Variants in LMTK2 observed in about 807,000 individuals in gnomAD.
LMTK2 encodes serine/threonine-protein kinase LMTK2.
LMTK2 carries 37 observed loss-of-function variants against 127.5 expected under a neutral mutation model. The ratio of observed to expected loss-of-function variants is 0.29; its 90% confidence interval spans 0.22 to 0.38. The LOEUF (loss-of-function observed/expected upper bound fraction) is 0.38. Ranked by LOEUF, LMTK2 falls within the 10% of genes least tolerant of loss-of-function variation. The pLI, the probability that LMTK2 is intolerant of heterozygous loss-of-function variation, is 1.00. For synonymous variants in LMTK2, 819 were observed against 810.1 expected (o/e 1.01, Z -0.19); for missense variants, 1,694 against 1,920.3 (o/e 0.88, Z 2.20).
chr7:98,112,215 A>G (rs913319187), intron 1 of LMTK2, among the ~76,000 whole-genome samples: 6 of 152,068 alleles, frequency 3.9e-5, no homozygotes, highest in African/African-American at 1.2e-4. Flanking sequence ...CTTTTTTTTA[A>G]GAGACAGGAT....
At chr7:98,181,528 G>A (rs776044955) in intron 7 of LMTK2, among the ~76,000 whole-genome samples, 2 of 152,182 alleles carry the variant, frequency 1.3e-5, no homozygotes, top group Non-Finnish European at 2.9e-5. Flanking sequence ...CACCTTTTCT[G>A]ATTTTAAAAC....
At position 98,193,835 on chromosome 7, in the gene LMTK2, T is replaced by C; in HGVS notation, c.3370T>C (p.Ser1124Pro). 1.2e-6 allele frequency: 2 copies of C among 1,613,684 alleles called. No individual in the cohort carries two copies. The highest frequency in any genetic ancestry group is 1.7e-6 in the Non-Finnish European group (2 of 1,179,934). Reference sequence around the variant, plus strand: ...AAGGTCTGAGGAGGTCCCGGGAACCTCCCCATCCGCCTTGGTGTTGGTACA... The same window carrying C: ...AAGGTCTGAGGAGGTCCCGGGAACCCCCCCATCCGCCTTGGTGTTGGTACA... ...EKRSEEVPGT[S>P]PSALVLVQEQ... Residue 1124 changes from serine to proline, a missense_variant, in exon 11 of 14, where the codon TCC becomes CCC. Ser to Pro is a moderately conservative substitution (Grantham distance 74, BLOSUM62 -1). Around this residue, in one of 8 missense-constraint regions of LMTK2, gnomAD observed 554 missense variants for 567.7 expected, o/e 0.98. Transcript: ENST00000297293. This position sits in a 1 kb window ranked among gnomAD's most constrained non-coding sequence, Gnocchi z 4.1.
chr7:98,137,297 A>AT lies in LMTK2; in HGVS notation c.104-15dup. 1 of 1,595,336 alleles carries AT rather than the reference A, an allele frequency of 6.3e-7. No homozygotes were observed. Among genetic ancestry groups the AT allele is most frequent in the Non-Finnish European group, 8.5e-7 (1 of 1,174,264 alleles). ...TTGGAATGTACATGTTTTTAATATT[A>AT]TTTATCTCTCTTTCCAGGGGAGGCG... On this transcript the variant is annotated splice_polypyrimidine_tract_variant and intron_variant, in intron 1 of 13. Coordinates refer to ENST00000297293, the MANE Select transcript of LMTK2 (RefSeq NM_014916.4).
intron 6 of LMTK2, among the ~76,000 whole-genome samples, chr7:98,168,461 CG>C (rs1371583631): frequency 6.6e-6 from 1 of 152,202 alleles, no homozygotes; most frequent in African/African-American, 2.4e-5. Flanking sequence ...TTAGCAGAAG[CG>C]GGGGTGTTGC....
chr7:98,188,305 T>TA (rs2116454270), intron 9 of LMTK2, among the ~76,000 whole-genome samples: 1 of 152,306 alleles, frequency 6.6e-6, no homozygotes, highest in Admixed American at 6.5e-5. Flanking sequence ...GTCTGATACT[T>TA]CTGTGTTTTT....
chr7:98,183,900 G>C (rs1328460460), intron 7 of LMTK2, among the ~76,000 whole-genome samples: 1 of 152,196 alleles, frequency 6.6e-6, no homozygotes, highest in African/African-American at 2.4e-5. Context: ...GAATCCACCT[G>C]TTAGCAGTGG....
intron 1 of LMTK2, among the ~76,000 whole-genome samples, chr7:98,112,181 T>C (rs912818089): frequency 6.6e-6 from 1 of 151,996 alleles, no homozygotes; most frequent in African/African-American, 2.4e-5. Context: ...GTGACTGACG[T>C]TTTTCTTTCT....
At chr7:98,133,370 G>A (rs1382208343) in intron 1 of LMTK2, among the ~76,000 whole-genome samples, 1 of 151,998 alleles carries the variant, frequency 6.6e-6, no homozygotes, top group East Asian at 1.9e-4. Context: ...TTTGACCACG[G>A]CGGTATAGGG....
In LMTK2 at chr7:98,107,054, C is replaced by T; in HGVS notation, c.-124C>T. On this transcript the variant is annotated 5_prime_UTR_variant, in exon 1 of 14. Transcript: ENST00000297293. Reference sequence around the variant, plus strand: ...CGAGGTTTGGCAGAAGCAACGTGTGCTCGGGAGCAACCGGCGCGGGTGCCA... The same window carrying T: ...CGAGGTTTGGCAGAAGCAACGTGTGTTCGGGAGCAACCGGCGCGGGTGCCA... The T allele has an allele frequency of 2.9e-6, 2 of 685,344 alleles. No individual in the cohort carries two copies. Among genetic ancestry groups the T allele is most frequent in the Non-Finnish European group, 4.4e-6 (2 of 456,178 alleles). 42.5% of individuals were successfully genotyped at this position (685,344 alleles called of 1,614,324 possible).
rs1479708347 is a variant in LMTK2, at chr7:98,207,906, T to C, written c.*2414T>C. The C allele has an allele frequency of 6.6e-6, 1 of 150,466 alleles. No individual in the cohort carries two copies. Among genetic ancestry groups the C allele is most frequent in the Non-Finnish European group, 1.5e-5 (1 of 67,866 alleles). The allele number at this position is 150,466 out of a possible 1,614,324, so 9.3% of individuals were successfully genotyped here. A position where few individuals can be genotyped will look rare whatever the true frequency, so the allele number is the denominator to read the frequency against. On this transcript the variant is annotated 3_prime_UTR_variant, in exon 14 of 14. Transcript: ENST00000297293. ...GAGTTCAAGACCAGCCTGGGCAACATGGCGAAACCTCGTCTCTACTAAAAA... is the reference window on the plus strand; with the variant it reads ...GAGTTCAAGACCAGCCTGGGCAACACGGCGAAACCTCGTCTCTACTAAAAA...
In LMTK2 at chr7:98,144,326, G is replaced by A. The variant is rs150621922; in HGVS notation, c.376+2785G>A. Among the ~76,000 whole-genome samples the A allele has an allele frequency of 6.1e-3, 934 of 151,886 alleles. 14 individuals carry two copies. Among genetic ancestry groups the A allele is most frequent in the East Asian group, 0.05 (256 of 5,150 alleles). On this transcript the variant is annotated intron_variant, in intron 3 of 13. Transcript: ENST00000297293. ...CGGGCGCCTGTATTCCCAGCTAGTCGGGAGGCTGAGACAGGAGAATGGCAT... is the reference window on the plus strand; with the variant it reads ...CGGGCGCCTGTATTCCCAGCTAGTCAGGAGGCTGAGACAGGAGAATGGCAT...
At chr7:98,204,450 C>T (rs1285094878) in intron 13 of LMTK2, among the ~76,000 whole-genome samples, 1 of 151,796 alleles carries the variant, frequency 6.6e-6, no homozygotes, top group African/African-American at 2.4e-5. Context: ...AGTGAGACCC[C>T]ATCTCTAAAA....
At chr7:98,129,802 TTTTC>T (rs2116345668) in intron 1 of LMTK2, among the ~76,000 whole-genome samples, 1 of 152,272 alleles carries the variant, frequency 6.6e-6, no homozygotes, top group African/African-American at 2.4e-5. Context: ...TTTTTTCCCT[TTTTC>T]TTACCCCGAC....
chr7:98,184,940 C>A, intron 7 of LMTK2, 111 bp from the exon 8 acceptor site: 2 of 720,730 alleles, frequency 2.8e-6, no homozygotes, highest in Non-Finnish European at 5.0e-6. Context: ...AAGCAGAGAG[C>A]TCAATATACT....
chr7:98,125,720 A>G (rs537597777), intron 1 of LMTK2, among the ~76,000 whole-genome samples: 195 of 152,352 alleles, frequency 1.3e-3, no homozygotes, highest in African/African-American at 4.5e-3. Flanking sequence ...AGCATTATCA[A>G]ATAGGAAACC....
At chr7:98,189,419 T>C (rs1797487198) in intron 9 of LMTK2, among the ~76,000 whole-genome samples, 2 of 152,198 alleles carry the variant, frequency 1.3e-5, no homozygotes, top group African/African-American at 4.8e-5. Context: ...ATGTAGTTGC[T>C]TCTTTGTTGT....
At chr7:98,121,958 G>A (rs918522900) in intron 1 of LMTK2, among the ~76,000 whole-genome samples, 2 of 152,198 alleles carry the variant, frequency 1.3e-5, no homozygotes, top group African/African-American at 4.8e-5. Context: ...TCGCACCTCT[G>A]CACTCCAGCC....
chr7:98,115,415 AAG>A (rs1190970372), intron 1 of LMTK2, among the ~76,000 whole-genome samples: 1 of 151,978 alleles, frequency 6.6e-6, no homozygotes, highest in African/African-American at 2.4e-5. Context: ...GACTCAAAGA[AAG>A]AGAAAAAGAA....
chr7:98,159,943 C>T (rs1007913835), intron 6 of LMTK2, among the ~76,000 whole-genome samples: 4 of 152,172 alleles, frequency 2.6e-5, no homozygotes, highest in African/African-American at 9.7e-5. Flanking sequence ...TTCTTAAAAA[C>T]CTTATTTCTT....
Sources: gnomAD v4.1 joint callset for allele counts (sites outside exome capture counted in the v4.1 genomes callset) on GRCh38, gnomAD v4.1.1 for gene constraint, gnomAD v4.1.1 regional missense constraint, Gnocchi (gnomAD v3.1) non-coding constraint, MANE v1.5 for transcripts, NCBI Gene and HGNC (gene_info 2026-07-23, HGNC 2026-07-21) for gene names.